The following DNAH12 variants were observed in gnomAD, a reference collection of about 807,000 sequenced individuals.
DNAH12 encodes dynein axonemal heavy chain 12.
Under a neutral mutation model 371.5 loss-of-function variants are expected in DNAH12, and 285 were observed. The ratio of observed to expected loss-of-function variants is 0.77; its 90% CI spans 0.70 to 0.85. DNAH12 has a LOEUF of 0.85. DNAH12 is among the 40% of genes least tolerant of loss of function. DNAH12 has a pLI of 0.00. For missense variants in DNAH12, 3,611 were observed against 3,689.4 expected (o/e 0.98, Z 0.55); for synonymous variants, 1,200 against 1,213.0 (o/e 0.99, Z 0.22).
At chr3:57,500,817 G>A (rs6786303) in intron 11 of DNAH12, among the ~76,000 whole-genome samples, 101,683 of 151,970 alleles carry the variant, frequency 0.67, 34,240 homozygotes, top group South Asian at 0.75. Flanking sequence ...GTACAGTGGT[G>A]CAATCAGAGC....
chr3:57,467,435 A>G (rs2066238109), intron 17 of DNAH12, among the ~76,000 whole-genome samples: 1 of 152,138 alleles, frequency 6.6e-6, no homozygotes, highest in Admixed American at 6.6e-5. Flanking sequence ...AGTAATTCTT[A>G]AGATTCAGAA....
At chr3:57,312,199 G>A (rs569874937) in intron 66 of DNAH12, among the ~76,000 whole-genome samples, 6 of 152,278 alleles carry the variant, frequency 3.9e-5, no homozygotes, top group South Asian at 2.1e-4. Context: ...AGACTCCCAC[G>A]TTTTGAAGAG....
In DNAH12 at chr3:57,322,408, G is replaced by A; in HGVS notation, c.10459C>T (p.Gln3487Ter). The change falls in exon 65 of 74, where the codon CAA becomes TAA. Residue 3487 changes from glutamine to a stop codon, truncating the protein, a stop_gained. Coordinates refer to ENST00000495027, the MANE Select transcript of DNAH12 (RefSeq NM_001366028.2). LOFTEE classifies it high-confidence loss of function. ...GAAACTGGATCAGTGAGATATGATT[G>A]AAGGAGATTCAGCCGAAGACCCGTG... ...PPTGLRLNLL[Q>*]SYLTDPVSDP... 1 of 1,552,144 alleles carries A rather than the reference G, an allele frequency of 6.4e-7. No individual in the cohort carries two copies. The highest frequency in any genetic ancestry group is 8.7e-7 in the Non-Finnish European group (1 of 1,147,096).
chr3:57,548,839 T>C (rs1355390402), upstream of DNAH12: 1 of 152,206 alleles, frequency 6.6e-6, no homozygotes, highest in African/African-American at 2.4e-5. Flanking sequence ...TACAAAGCAG[T>C]GCTCATTTCG....
chr3:57,329,750 G>T (rs1411735138), intron 62 of DNAH12, among the ~76,000 whole-genome samples: 2 of 151,434 alleles, frequency 1.3e-5, no homozygotes, highest in African/African-American at 4.8e-5. Flanking sequence ...CACAGCAAAA[G>T]AAACTACCAT....
At chr3:57,313,480 C>T (rs1031359817) in intron 66 of DNAH12, among the ~76,000 whole-genome samples, 3 of 152,110 alleles carry the variant, frequency 2.0e-5, no homozygotes, top group Admixed American at 1.3e-4. Context: ...GGTAAAACCC[C>T]ATTTCTACTA....
upstream of DNAH12, among the ~76,000 whole-genome samples, chr3:57,546,537 C>A (rs115151226): frequency 0.014 from 2,136 of 152,270 alleles, 50 homozygotes; most frequent in African/African-American, 0.048. Flanking sequence ...GGGACAGTGT[C>A]TTACTATGTT....
intron 4 of DNAH12, chr3:57,519,860 C>A: frequency 4.0e-6 from 4 of 996,410 alleles, no homozygotes; most frequent in Non-Finnish European, 3.2e-6. Flanking sequence ...CTGCAGATGG[C>A]GCACATATCT....
intron 4 of DNAH12, among the ~76,000 whole-genome samples, chr3:57,514,249 C>A (rs983345805): frequency 2.6e-5 from 4 of 151,854 alleles, no homozygotes; most frequent in Admixed American, 2.0e-4. Context: ...CAAAAATTAG[C>A]TGGACATGGT....
chr3:57,445,982 T>C (rs779120582), intron 27 of DNAH12, 49 bp downstream of exon 27: 10 of 1,453,344 alleles, frequency 6.9e-6, no homozygotes, highest in South Asian at 2.8e-5. Flanking sequence ...AGTAAGACTG[T>C]TTCAAAAACA....
intron 13 of DNAH12, among the ~76,000 whole-genome samples, chr3:57,473,898 A>G (rs893764189): frequency 2.6e-5 from 4 of 152,198 alleles, no homozygotes; most frequent in African/African-American, 9.6e-5. Context: ...GCAAAAAAGC[A>G]TGTAGTGAAA....
intron 33 of DNAH12, among the ~76,000 whole-genome samples, chr3:57,429,091 T>C (rs138411946): frequency 2.0e-5 from 3 of 152,272 alleles, no homozygotes; most frequent in African/African-American, 7.2e-5. Context: ...AAGTCTTACA[T>C]CTTCCTCAAA....
chr3:57,401,883 T>C (rs1374861371), intron 43 of DNAH12, among the ~76,000 whole-genome samples: 3 of 152,170 alleles, frequency 2.0e-5, no homozygotes, highest in Non-Finnish European at 2.9e-5. Context: ...GCCAATAAAT[T>C]GGATAACCTA....
chr3:57,402,695 CA>C (rs2063907706), intron 43 of DNAH12, among the ~76,000 whole-genome samples: 3 of 152,088 alleles, frequency 2.0e-5, no homozygotes, highest in East Asian at 3.9e-4. Context: ...GAGAGGCAGA[CA>C]GAGGAGGATA....
At chr3:57,454,628 G>T in intron 23 of DNAH12, 147 bp downstream of exon 23, 1 of 1,038,360 alleles carries the variant, frequency 9.6e-7, no homozygotes, top group Non-Finnish European at 1.4e-6. Flanking sequence ...CTAATACTTT[G>T]GGAGGTTGAA....
chr3:57,514,034 A>G (rs1357907219), intron 4 of DNAH12, among the ~76,000 whole-genome samples: 1 of 152,230 alleles, frequency 6.6e-6, no homozygotes, highest in Admixed American at 6.5e-5. Flanking sequence ...GTGCAGCAAT[A>G]GTGAAAAATG....
chr3:57,325,962 G>T (rs537151809), intron 62 of DNAH12, among the ~76,000 whole-genome samples: 1 of 152,124 alleles, frequency 6.6e-6, no homozygotes, highest in Non-Finnish European at 1.5e-5. Context: ...GGAAGAAAGG[G>T]TATCAGTGAT....
intron 11 of DNAH12, among the ~76,000 whole-genome samples, chr3:57,494,713 T>C (rs1380741756): frequency 6.6e-6 from 1 of 152,110 alleles, no homozygotes; most frequent in Non-Finnish European, 1.5e-5. Flanking sequence ...TGATATTGTA[T>C]ACAGAAAATT....
chr3:57,489,795 T>C, intron 11 of DNAH12, 108 bp from the exon 12 acceptor site: 1 of 1,176,668 alleles, frequency 8.5e-7, no homozygotes, highest in Non-Finnish European at 1.1e-6. Flanking sequence ...ACTTTATTTC[T>C]TTTTTGCTAA....
Sources: allele counts gnomAD v4.1 joint callset (sites outside exome capture counted in the v4.1 genomes callset), GRCh38; gene constraint gnomAD v4.1.1; transcripts MANE v1.5; gene names NCBI Gene and HGNC (gene_info 2026-07-23, HGNC 2026-07-21).